Variants in TRIM2 observed in about 807,000 individuals in gnomAD.
TRIM2 encodes the protein tripartite motif containing 2.
TRIM2 carries 20 observed loss-of-function variants against 75.2 expected under a neutral mutation model. The observed-to-expected ratio is 0.27, with a 90% CI of 0.19 to 0.39. The LOEUF is 0.39. Among genes scored for constraint, TRIM2 ranks in the 10% least tolerant of loss-of-function variants. The pLI is 1.00. For missense variants in TRIM2, 660 were observed against 990.8 expected (o/e 0.67, Z 4.48); for synonymous variants, 373 against 388.3 (o/e 0.96, Z 0.46).
intron 1 of TRIM2, among the ~76,000 whole-genome samples, chr4:153,253,499 A>T (rs1006529060): frequency 6.6e-6 from 1 of 152,214 alleles, no homozygotes; most frequent in Non-Finnish European, 1.5e-5. Context: ...ACTGCTAAAA[A>T]AATACATGTG....
At chr4:153,163,127 T>TCTA (rs1729908001) in intron 1 of TRIM2, among the ~76,000 whole-genome samples, 2 of 152,352 alleles carry the variant, frequency 1.3e-5, no homozygotes, top group South Asian at 4.1e-4. Context: ...ACTGTAAATA[T>TCTA]CTGAAACTTG....
In TRIM2 at chr4:153,225,528, C is replaced by G. The variant is rs181920389; in HGVS notation, c.30+20968C>G. Among the ~76,000 whole-genome samples the G allele has an allele frequency of 1.2e-4, 18 of 152,292 alleles. No individual in the cohort carries two copies. The East Asian group carries it at 3.3e-3, about 28-fold the overall frequency. ...TTACATTTTAGACCTTCAGCCTGAC[C>G]TGTTAGTTGGCATGTCTGAAAAAGT... is the stretch of plus-strand genomic sequence containing the variant. On this transcript the variant is annotated intron_variant, in intron 1 of 11. Transcript: ENST00000338700.
chr4:153,252,727 C>T (rs910259050), intron 1 of TRIM2, among the ~76,000 whole-genome samples: 6 of 152,162 alleles, frequency 3.9e-5, no homozygotes, highest in Non-Finnish European at 8.8e-5. Context: ...CCAGGCTTGT[C>T]TTGAACTCCT....
chr4:153,282,092 A>T (rs1345795389), intron 3 of TRIM2, among the ~76,000 whole-genome samples: 1 of 152,222 alleles, frequency 6.6e-6, no homozygotes, highest in Non-Finnish European at 1.5e-5. Flanking sequence ...GTGAACATAA[A>T]TGGTGACTAT....
At chr4:153,206,968 C>T (rs1196747132) in intron 1 of TRIM2, among the ~76,000 whole-genome samples, 2 of 152,088 alleles carry the variant, frequency 1.3e-5, no homozygotes, top group Non-Finnish European at 2.9e-5. Context: ...GCAGCCTTGA[C>T]CCCTTGGGCT....
Position 153,338,952 on chromosome 4 carries a change from GGT to G in TRIM2, c.*3987_*3988del, listed in dbSNP as rs1491454942. 500 of 963,470 alleles carry G rather than the reference GGT, an allele frequency of 5.2e-4. 1 individual carries two copies. The African/African-American group carries it at 1.0e-2, about 19-fold the overall frequency. 59.7% of individuals were successfully genotyped at this position (963,470 alleles called of 1,614,324 possible). A position where few individuals can be genotyped will look rare whatever the true frequency, so the allele number is the denominator to read the frequency against. On this transcript the variant is annotated 3_prime_UTR_variant, in exon 12 of 12. Transcript: ENST00000338700. ...TCAAGCCTATGTATGAATATGAAGG[GGT>G]TTTTTTTTTTTGCTTTGTTTTCTTT...
At chr4:153,282,184 G>A (rs148281242) in intron 3 of TRIM2, among the ~76,000 whole-genome samples, 185 of 152,320 alleles carry the variant, frequency 1.2e-3, no homozygotes, top group Non-Finnish European at 2.3e-3. Context: ...GGAGATGGAT[G>A]AAATGGATGA....
chr4:153,274,849 G>A (rs1340403706), intron 2 of TRIM2, among the ~76,000 whole-genome samples: 5 of 152,192 alleles, frequency 3.3e-5, no homozygotes, highest in African/African-American at 4.8e-5. Flanking sequence ...GGATTCAGAC[G>A]TCGTTAATGA....
At position 153,276,038 on chromosome 4, in the gene TRIM2, C is replaced by T; in HGVS notation, c.361C>T (p.Pro121Ser). The T allele has an allele frequency of 6.2e-7, 1 of 1,614,204 alleles. No homozygotes were observed. ...TNLMDVLQRT[P>S]GSNAEESSIL... ...CCTGATGGACGTGCTGCAGCGAACT[C>T]CAGGCAGCAACGCTGAGGAGTCTTC... The change falls in exon 3 of 12, where the codon CCA becomes TCA. Residue 121 changes from proline to serine, a missense_variant. Around this residue, in one of 2 missense-constraint regions of TRIM2, gnomAD observed 620 missense variants for 891.0 expected, o/e 0.70. Coordinates refer to ENST00000338700, the MANE Select transcript of TRIM2 (RefSeq NM_015271.5).
At chr4:153,245,779 C>A (rs75227341) in intron 1 of TRIM2, among the ~76,000 whole-genome samples, 9 of 152,242 alleles carry the variant, frequency 5.9e-5, no homozygotes, top group Non-Finnish European at 1.2e-4. Context: ...CGGGTTCAAG[C>A]GATCCTCCCA....
chr4:153,171,116 G>A (rs1052352934), intron 1 of TRIM2, among the ~76,000 whole-genome samples: 3 of 152,164 alleles, frequency 2.0e-5, no homozygotes, highest in East Asian at 3.8e-4. Context: ...CCAAGAGTTC[G>A]TTGAATCAGC....
rs549269104 is a variant in TRIM2 at position 153,208,440 on chromosome 4, TTTA to T, written c.30+3886_30+3888del. On this transcript the variant is annotated intron_variant, in intron 1 of 11. Coordinates refer to ENST00000338700, the MANE Select transcript of TRIM2 (RefSeq NM_015271.5). ...TTTATCTAAAATTATAATAAATAAT[TTTA>T]TTATTTAATAAACAATAAATAAATC... is the stretch of plus-strand genomic sequence containing the variant. Among the ~76,000 whole-genome samples the T allele has an allele frequency of 2.8e-3, 427 of 152,066 alleles. 3 individuals carry two copies. Among genetic ancestry groups the T allele is most frequent in the African/African-American group, 9.4e-3 (392 of 41,532 alleles).
upstream of TRIM2, among the ~76,000 whole-genome samples, chr4:153,202,698 C>CAAAA (rs748719135): frequency 1.3e-5 from 1 of 77,972 alleles, no homozygotes; most frequent in African/African-American, 4.2e-5. Context: ...GACTCTGTCT[C>CAAAA]AAAAAAAAAA....
chr4:153,323,181 T>A (rs1228413495), intron 9 of TRIM2, among the ~76,000 whole-genome samples: 1 of 152,194 alleles, frequency 6.6e-6, no homozygotes, highest in Non-Finnish European at 1.5e-5. Flanking sequence ...AGCCACTGAA[T>A]GAGAATTTTT....
chr4:153,160,748 C>A (rs182131954), intron 1 of TRIM2, among the ~76,000 whole-genome samples: 81 of 152,312 alleles, frequency 5.3e-4, no homozygotes, highest in Admixed American at 1.4e-3. Context: ...GCATGCACCA[C>A]CACACCTGGC....
chr4:153,182,633 G>A (rs1732187344), intron 1 of TRIM2, among the ~76,000 whole-genome samples: 1 of 152,158 alleles, frequency 6.6e-6, no homozygotes, highest in Admixed American at 6.5e-5. Flanking sequence ...GTTCATTTCA[G>A]TATTTAGGGT....
At chr4:153,239,834 C>CTTTTTTT (rs372940429) in intron 1 of TRIM2, among the ~76,000 whole-genome samples, 2 of 117,666 alleles carry the variant, frequency 1.7e-5, no homozygotes. Context: ...CTTTCTTTCT[C>CTTTTTTT]TTTTTTTTTT....
intron 6 of TRIM2, among the ~76,000 whole-genome samples, chr4:153,303,480 A>C (rs1764367996): frequency 6.6e-6 from 1 of 151,864 alleles, no homozygotes; most frequent in Non-Finnish European, 1.5e-5. Context: ...CTCAGAAAAA[A>C]AAAAAAAAAA....
chr4:153,334,668 G>A (rs555463745), intron 11 of TRIM2, 146 bp from the exon 12 acceptor site: 80 of 723,510 alleles, frequency 1.1e-4, no homozygotes, highest in Middle Eastern at 7.4e-4. Context: ...TTCACACCAC[G>A]GCACACCAGC....
Sources: allele counts gnomAD v4.1 joint callset (sites outside exome capture counted in the v4.1 genomes callset), GRCh38; gene constraint gnomAD v4.1.1; regional missense constraint gnomAD v4.1.1; transcripts MANE v1.5; gene names NCBI Gene and HGNC (gene_info 2026-07-23, HGNC 2026-07-21).